Variants in CGGBP1 observed in about 807,000 individuals in gnomAD.
CGGBP1 encodes the protein CGG triplet repeat-binding protein 1.
Under a neutral mutation model 11.4 loss-of-function variants are expected in CGGBP1, and 4 were observed. That is an observed-to-expected ratio of 0.35 (90% confidence interval 0.17 to 0.80). The LOEUF is 0.80. CGGBP1 is among the 30% of genes least tolerant of loss of function. The pLI is 0.52. For synonymous variants in CGGBP1, 76 were observed against 74.1 expected (o/e 1.03, Z -0.13); for missense variants, 135 against 202.1 (o/e 0.67, Z 2.01).
chr3:88,148,777 T>A (rs1707354224), intron 1 of CGGBP1, among the ~76,000 whole-genome samples: 1 of 152,138 alleles, frequency 6.6e-6, no homozygotes, highest in South Asian at 2.1e-4. Flanking sequence ...GTAGCTGGGA[T>A]TACAGGCGTC....
Position 88,054,827 on chromosome 3 carries a change from T to C in CGGBP1, c.*646A>G, listed in dbSNP as rs972463681. 3 of 152,598 alleles carry C rather than the reference T, an allele frequency of 2.0e-5. No individual in the cohort carries two copies. Among genetic ancestry groups the C allele is most frequent in the African/African-American group, 7.2e-5 (3 of 41,430 alleles). The allele number at this position is 152,598 out of a possible 1,614,324, so 9.5% of individuals were successfully genotyped here. On this transcript the variant is annotated 3_prime_UTR_variant, in exon 4 of 4. Coordinates refer to ENST00000482016, the MANE Select transcript of CGGBP1 (RefSeq NM_001008390.2). ...GGCTTTTGGCATTGACGTTGAAAGA[T>C]TTTAGTCTTTTGGTCACTTGAAGCT... is the stretch of plus-strand genomic sequence containing the variant.
At chr3:88,068,001 A>T (rs1707298373) in intron 2 of CGGBP1, among the ~76,000 whole-genome samples, 1 of 151,978 alleles carries the variant, frequency 6.6e-6, no homozygotes, top group Non-Finnish European at 1.5e-5. Context: ...ATATTATAAG[A>T]CCCCTGAAGG....
Position 88,139,429 on chromosome 3 carries a change from T to G in CGGBP1, c.-229+1541A>C, listed in dbSNP as rs777446476. On this transcript the variant is annotated intron_variant, in intron 2 of 3. Transcript: ENST00000462901. The stretch of plus-strand genomic sequence containing the variant: ...AGGAAATTTAGAAACAGAGGACTTA[T>G]GCAGAAGCATTTGAAGAATCATGTT... 1.2e-6 allele frequency: 2 copies of G among 1,613,732 alleles called. No individual in the cohort carries two copies. Among genetic ancestry groups the G allele is most frequent in the African/African-American group, 1.3e-5 (1 of 74,938 alleles).
At chr3:88,076,630 C>T (rs1316278938) in intron 2 of CGGBP1, among the ~76,000 whole-genome samples, 2 of 152,060 alleles carry the variant, frequency 1.3e-5, no homozygotes, top group Non-Finnish European at 2.9e-5. Flanking sequence ...CATACCTCAT[C>T]CTAGAGTTGG....
At chr3:88,137,904 T>G (rs1706894649) in intron 2 of CGGBP1, among the ~76,000 whole-genome samples, 1 of 152,088 alleles carries the variant, frequency 6.6e-6, no homozygotes. Context: ...TATATATACA[T>G]ATATATGATG....
intron 2 of CGGBP1, among the ~76,000 whole-genome samples, chr3:88,117,953 AAAAAC>A (rs1705513269): frequency 6.6e-6 from 1 of 152,096 alleles, no homozygotes; most frequent in East Asian, 1.9e-4. Flanking sequence ...ATTAAAAAAA[AAAAAC>A]AACCAAGAAC....
intron 2 of CGGBP1, among the ~76,000 whole-genome samples, chr3:88,082,220 G>A (rs1708115437): frequency 1.3e-5 from 2 of 151,434 alleles, no homozygotes; most frequent in South Asian, 2.1e-4. Flanking sequence ...TCTGCCTCCC[G>A]GGTTCAAGTG....
At position 88,076,207 on chromosome 3, in the gene CGGBP1, A is replaced by G. The variant is rs79018100; in HGVS notation, c.-228-17984T>C. Among the ~76,000 whole-genome samples, 34 of 152,266 alleles carry G rather than the reference A, an allele frequency of 2.2e-4. No homozygotes were observed. In the East Asian group the frequency reaches 6.2e-3, roughly 28 times the overall value. ...GTGTGGTTTTTCAGTTGCTTTTATT[A>G]TAGACTTTCTGCCTTTTAAAAAGCA... On this transcript the variant is annotated intron_variant, in intron 2 of 3. Coordinates refer to the CGGBP1 transcript ENST00000462901.
intron 2 of CGGBP1, chr3:88,113,066 G>T: frequency 7.9e-7 from 1 of 1,259,268 alleles, no homozygotes; most frequent in Non-Finnish European, 1.1e-6. Context: ...TCTTTTAATT[G>T]GAGCAAAACT....
At chr3:88,074,201 G>C (rs970288879) in intron 2 of CGGBP1, among the ~76,000 whole-genome samples, 1 of 152,156 alleles carries the variant, frequency 6.6e-6, no homozygotes, top group Non-Finnish European at 1.5e-5. Context: ...ATCAGAGCCA[G>C]TGGGTTTCTC....
intron 2 of CGGBP1, among the ~76,000 whole-genome samples, chr3:88,133,620 A>C (rs1706594898): frequency 3.3e-5 from 5 of 152,162 alleles, no homozygotes; most frequent in Non-Finnish European, 7.3e-5. Flanking sequence ...GTGAGAATAA[A>C]TGAAGCAGTT....
At chr3:88,067,276 G>A (rs1029499538) in intron 2 of CGGBP1, among the ~76,000 whole-genome samples, 1 of 152,200 alleles carries the variant, frequency 6.6e-6, no homozygotes, top group Non-Finnish European at 1.5e-5. Context: ...GGATACCTGG[G>A]CAAGTTCTGC....
intron 1 of CGGBP1, chr3:88,141,161 T>A: frequency 8.2e-7 from 1 of 1,219,266 alleles, no homozygotes; most frequent in Non-Finnish European, 1.1e-6. Context: ...GCACAGGTAG[T>A]GAAGCATTAC....
chr3:88,090,820 C>G (rs1183786858), intron 2 of CGGBP1, among the ~76,000 whole-genome samples: 1 of 151,958 alleles, frequency 6.6e-6, no homozygotes, highest in African/African-American at 2.4e-5. Flanking sequence ...TGTCTTGGCC[C>G]ATACATAAAA....
intron 2 of CGGBP1, among the ~76,000 whole-genome samples, chr3:88,131,962 C>CA (rs987588864): frequency 6.6e-6 from 1 of 152,046 alleles, no homozygotes; most frequent in African/African-American, 2.4e-5. Flanking sequence ...TGCTGTATCC[C>CA]AAACCAATGG....
intron 2 of CGGBP1, among the ~76,000 whole-genome samples, chr3:88,131,587 A>T (rs925829686): frequency 2.0e-5 from 3 of 152,132 alleles, no homozygotes; most frequent in African/African-American, 4.8e-5. Flanking sequence ...TCTACTCTTT[A>T]GGGAAGGACC....
At chr3:88,149,868 A>G in exon 1 of CGGBP1, 1 of 655,732 alleles carries the variant, frequency 1.5e-6, no homozygotes, top group Non-Finnish European at 2.6e-6. Flanking sequence ...CGGAACCACA[A>G]GTGAGGGCAC....
chr3:88,148,261 C>T (rs1707344809), intron 1 of CGGBP1, among the ~76,000 whole-genome samples: 1 of 152,170 alleles, frequency 6.6e-6, no homozygotes, highest in Non-Finnish European at 1.5e-5. Context: ...CTATTTCCTC[C>T]CAACAAAATG....
Position 88,097,772 on chromosome 3 carries a change from C to A in CGGBP1, c.-228-39549G>T, listed in dbSNP as rs1263838151. On this transcript the variant is annotated intron_variant, in intron 2 of 3. Transcript: ENST00000462901. ...AAATGAATGCAGAAATAAAGATGTT[C>A]TTTGAAACCAATGAGAACAAAGACA... Among the ~76,000 whole-genome samples the A allele has an allele frequency of 3.3e-5, 5 of 152,132 alleles. No homozygotes were observed. In the East Asian group the frequency reaches 5.8e-4, roughly 18 times the overall value.
Sources: gnomAD v4.1 joint callset for allele counts (sites outside exome capture counted in the v4.1 genomes callset) on GRCh38, gnomAD v4.1.1 for gene constraint, MANE v1.5 for transcripts, NCBI Gene and HGNC (gene_info 2026-07-23, HGNC 2026-07-21) for gene names.